The following KCND3 variants were observed in gnomAD, a reference collection of about 807,000 sequenced individuals.
KCND3 encodes A-type voltage-gated potassium channel KCND3.
Under a neutral mutation model 51.1 loss-of-function variants are expected in KCND3, and 9 were observed. The observed-to-expected ratio is 0.18, with a 90% confidence interval of 0.11 to 0.31. The LOEUF is 0.31. Ranked by LOEUF, KCND3 falls within the 10% of genes least tolerant of loss-of-function variation. The pLI is 1.00. For missense variants in KCND3, 526 were observed against 903.8 expected (o/e 0.58, Z 5.36); for synonymous variants, 349 against 368.0 (o/e 0.95, Z 0.59).
At chr1:111,873,310 G>T (rs1242848879) in intron 2 of KCND3, among the ~76,000 whole-genome samples, 1 of 152,206 alleles carries the variant, frequency 6.6e-6, no homozygotes, top group African/African-American at 2.4e-5. Context: ...CAGAAATCTA[G>T]CCAGGACAAA....
intron 2 of KCND3, among the ~76,000 whole-genome samples, chr1:111,801,770 G>A (rs541575999): frequency 6.3e-4 from 96 of 152,190 alleles, no homozygotes; most frequent in Non-Finnish European, 1.2e-3. Flanking sequence ...CTCCATCTTG[G>A]GCATCCTCTC....
At chr1:111,986,060 T>G (rs1482072789) in intron 1 of KCND3, among the ~76,000 whole-genome samples, 5 of 152,188 alleles carry the variant, frequency 3.3e-5, no homozygotes, top group Non-Finnish European at 7.3e-5. Context: ...CTAACTATAC[T>G]TTGTTTAGGA....
At chr1:111,944,505 C>A (rs1361325399) in intron 2 of KCND3, among the ~76,000 whole-genome samples, 1 of 152,196 alleles carries the variant, frequency 6.6e-6, no homozygotes, top group African/African-American at 2.4e-5. Context: ...TAGACCTTTG[C>A]GAGGTGAAGC....
At position 111,780,889 on chromosome 1, in the gene KCND3, T is replaced by C; in HGVS notation, c.1270-98A>G. ...TGAGGCTGGCTTCCCAGGTGACACC[T>C]GATGAAGGGGATGAGGCTGTTTCTC... On this transcript the variant is annotated intron_variant, in intron 3 of 7. Transcript: ENST00000302127. The surrounding 1 kb of genome is among the most constrained non-coding windows in gnomAD (Gnocchi z 4.2). The C allele has an allele frequency of 1.1e-6, 1 of 935,182 alleles. No individual in the cohort carries two copies. Among genetic ancestry groups the C allele is most frequent in the Non-Finnish European group, 1.7e-6 (1 of 593,164 alleles). 57.9% of individuals were successfully genotyped at this position (935,182 alleles called of 1,614,324 possible).
chr1:111,774,500 C>A lies in KCND3; in HGVS notation c.*1577G>T. On this transcript the variant is annotated 3_prime_UTR_variant, in exon 8 of 8. Transcript: ENST00000302127. ...TGCTGCCCCCAGCTCCACCAGGGTGCAAGCTAGTTGAATAGATATGTTGTC... is the reference window on the plus strand; with the variant it reads ...TGCTGCCCCCAGCTCCACCAGGGTGAAAGCTAGTTGAATAGATATGTTGTC... 1 of 152,364 alleles carries A rather than the reference C, an allele frequency of 6.6e-6. No individual in the cohort carries two copies. The highest frequency in any genetic ancestry group is 1.5e-5 in the Non-Finnish European group (1 of 68,062). 9.4% of individuals were successfully genotyped at this position (152,364 alleles called of 1,614,324 possible).
chr1:111,851,917 C>G (rs1266676558), intron 2 of KCND3, among the ~76,000 whole-genome samples: 1 of 152,250 alleles, frequency 6.6e-6, no homozygotes, highest in African/African-American at 2.4e-5. Flanking sequence ...TTTACCACGA[C>G]AGCCAGCAAC....
chr1:111,881,985 C>T (rs932559798), intron 2 of KCND3, among the ~76,000 whole-genome samples: 2 of 152,150 alleles, frequency 1.3e-5, no homozygotes, highest in East Asian at 1.9e-4. Flanking sequence ...TTCCTGGGAA[C>T]GGAACACCAT....
At chr1:111,948,664 C>T (rs1234979022) in intron 2 of KCND3, among the ~76,000 whole-genome samples, 1 of 152,154 alleles carries the variant, frequency 6.6e-6, no homozygotes, top group Non-Finnish European at 1.5e-5. Flanking sequence ...TCTTTTCCCT[C>T]TGCTGCAAGC....
chr1:111,967,959 T>C (rs1009446292), intron 2 of KCND3, among the ~76,000 whole-genome samples: 1 of 152,164 alleles, frequency 6.6e-6, no homozygotes, highest in African/African-American at 2.4e-5. Context: ...AGCCAAAGGA[T>C]TCAGGCAACC....
At chr1:111,872,069 A>T (rs1480700379) in intron 2 of KCND3, among the ~76,000 whole-genome samples, 1 of 152,244 alleles carries the variant, frequency 6.6e-6, no homozygotes, top group Non-Finnish European at 1.5e-5. Flanking sequence ...GATACTAAAA[A>T]TAAAACCTTA....
chr1:111,794,562 G>C (rs368153909), intron 2 of KCND3, among the ~76,000 whole-genome samples: 1 of 152,226 alleles, frequency 6.6e-6, no homozygotes, highest in Non-Finnish European at 1.5e-5. Context: ...GCTTCCTAGA[G>C]CCTCAGTGTT....
chr1:111,786,898 C>G, intron 3 of KCND3, 46 bp downstream of exon 3: 2 of 1,610,562 alleles, frequency 1.2e-6, no homozygotes, highest in Non-Finnish European at 1.7e-6. Flanking sequence ...CTGGTGCTCC[C>G]CCGCATCCTT....
At chr1:111,853,388 T>C (rs1345614212) in intron 2 of KCND3, among the ~76,000 whole-genome samples, 1 of 152,198 alleles carries the variant, frequency 6.6e-6, no homozygotes, top group Non-Finnish European at 1.5e-5. Context: ...TGAGGTCTGG[T>C]GAGCTACAAT....
chr1:111,977,512 G>T (rs1674701880), intron 2 of KCND3, among the ~76,000 whole-genome samples: 2 of 152,186 alleles, frequency 1.3e-5, no homozygotes, highest in Admixed American at 6.6e-5. Flanking sequence ...AGAGCATGGG[G>T]TGACAGATAG....
At chr1:111,964,174 C>A (rs1207791826) in intron 2 of KCND3, among the ~76,000 whole-genome samples, 2 of 152,240 alleles carry the variant, frequency 1.3e-5, no homozygotes, top group Non-Finnish European at 2.9e-5. Context: ...GGCCAACAGT[C>A]TTCCTGGGCC....
chr1:111,918,233 C>T (rs185214203), intron 2 of KCND3, among the ~76,000 whole-genome samples: 38 of 152,254 alleles, frequency 2.5e-4, no homozygotes, highest in African/African-American at 8.9e-4. Flanking sequence ...CAAACACTGA[C>T]GTCAATGCTA....
intron 2 of KCND3, among the ~76,000 whole-genome samples, chr1:111,811,624 C>T (rs879293296): frequency 7.9e-5 from 12 of 152,146 alleles, no homozygotes; most frequent in South Asian, 2.1e-4. Flanking sequence ...AAGGCAAATG[C>T]GCTCTTCGGA....
rs541531119 is a variant in KCND3 at position 111,930,825 on chromosome 1, C to A, written c.1106+50796G>T. ...TGGCAAAGATACAGTGAGACTTAACCGTGACATGCTGGAAATGCCAGGAAG... is the reference window on the plus strand; with the variant it reads ...TGGCAAAGATACAGTGAGACTTAACAGTGACATGCTGGAAATGCCAGGAAG... On this transcript the variant is annotated intron_variant, in intron 2 of 7. Coordinates refer to ENST00000302127, the MANE Select transcript of KCND3 (RefSeq NM_001378969.1). Among the ~76,000 whole-genome samples, 8 of 152,316 alleles carry A rather than the reference C, an allele frequency of 5.3e-5. No homozygotes were observed. The South Asian group carries it at 1.5e-3, about 28-fold the overall frequency.
At chr1:111,898,522 G>A (rs1238555578) in intron 2 of KCND3, among the ~76,000 whole-genome samples, 2 of 152,180 alleles carry the variant, frequency 1.3e-5, no homozygotes, top group Non-Finnish European at 2.9e-5. Flanking sequence ...GGCCAGAACT[G>A]TTCATTTGCC....
Sources: allele counts gnomAD v4.1 joint callset (sites outside exome capture counted in the v4.1 genomes callset), GRCh38; gene constraint gnomAD v4.1.1; non-coding constraint Gnocchi (gnomAD v3.1); transcripts MANE v1.5; gene names NCBI Gene and HGNC (gene_info 2026-07-23, HGNC 2026-07-21).